The following ATP11A variants were observed in gnomAD, a reference collection of about 807,000 sequenced individuals.
ATP11A encodes the protein ATPase phospholipid transporting 11A, also known as phospholipid-transporting ATPase IH.
In ATP11A, 81 loss-of-function variants were observed where a neutral mutation model predicts 154.4. The ratio of observed to expected loss-of-function variants is 0.52; its 90% CI spans 0.44 to 0.63. The LOEUF (loss-of-function observed/expected upper bound fraction) is 0.63. Among genes scored for constraint, ATP11A ranks in the 30% least tolerant of loss-of-function variants. The probability of loss-of-function intolerance (pLI) is 0.00; values close to 1 mark genes in which losing one functional copy is unlikely to be tolerated. For missense variants in ATP11A, 1,316 were observed against 1,474.3 expected (o/e 0.89, Z 1.76); for synonymous variants, 623 against 585.9 (o/e 1.06, Z -0.91).
intron 14 of ATP11A, among the ~76,000 whole-genome samples, chr13:112,833,682 T>C (rs567850767): frequency 6.6e-5 from 10 of 152,324 alleles, no homozygotes; most frequent in African/African-American, 2.4e-4. Flanking sequence ...CTAATGTGTT[T>C]TCTCCATGCA....
At position 112,884,520 on chromosome 13, in the gene ATP11A, GAA is replaced by G. The variant is rs2080943168; in HGVS notation, c.*2657_*2658del. On this transcript the variant is annotated 3_prime_UTR_variant, in exon 30 of 30. Transcript: ENST00000375645. The stretch of plus-strand genomic sequence containing the variant: ...TAGACAAGGGGCACGAGATAAAAAA[GAA>G]AAGGATGAGAAGATCCTCAGTGAAT... 2 of 152,218 alleles carry G rather than the reference GAA, an allele frequency of 1.3e-5. No individual in the cohort carries two copies. Among genetic ancestry groups the G allele is most frequent in the Non-Finnish European group, 2.9e-5 (2 of 68,032 alleles). 9.4% of individuals were successfully genotyped at this position (152,218 alleles called of 1,614,324 possible). A position where few individuals can be genotyped will look rare whatever the true frequency, so the allele number is the denominator to read the frequency against.
chr13:112,759,376 GA>G (rs111991267), intron 1 of ATP11A, among the ~76,000 whole-genome samples: 329 of 152,326 alleles, frequency 2.2e-3, no homozygotes, highest in African/African-American at 6.8e-3. Flanking sequence ...AGAGTCCGGA[GA>G]CTTCTGACCG....
chr13:112,822,162 A>T (rs545166552), intron 8 of ATP11A, among the ~76,000 whole-genome samples: 5 of 152,340 alleles, frequency 3.3e-5, no homozygotes, highest in Admixed American at 3.3e-4. Flanking sequence ...AACACTTTTG[A>T]CCCTTTACCC....
Position 112,788,124 on chromosome 13 carries a change from C to T in ATP11A, c.162+2867C>T, listed in dbSNP as rs539150378. 6.6e-5 allele frequency among the ~76,000 whole-genome samples: 10 copies of T among 151,382 alleles called. No individual in the cohort carries two copies. In the South Asian group the frequency reaches 1.7e-3, roughly 25 times the overall value. On this transcript the variant is annotated intron_variant, in intron 2 of 29. Coordinates refer to ENST00000375645, the MANE Select transcript of ATP11A (RefSeq NM_015205.3). The stretch of plus-strand genomic sequence containing the variant: ...GACCCCTGTGTAGACCTACTTAATC[C>T]ACACCGGGTGTCCTGATGTGTAGAC...
intron 4 of ATP11A, among the ~76,000 whole-genome samples, chr13:112,808,183 GC>G: frequency 6.6e-6 from 1 of 152,228 alleles, no homozygotes; most frequent in Middle Eastern, 3.4e-3. Flanking sequence ...CCTCGGCCCG[GC>G]TGTGCCCCAT....
Position 112,740,112 on chromosome 13 carries a change from T to G in ATP11A, c.40-45023T>G, listed in dbSNP as rs1891381687. Among the ~76,000 whole-genome samples the G allele has an allele frequency of 8.6e-5, 13 of 150,730 alleles. No individual in the cohort carries two copies. The South Asian group carries it at 2.7e-3, about 32-fold the overall frequency. On this transcript the variant is annotated intron_variant, in intron 1 of 29. Coordinates refer to ENST00000375645, the MANE Select transcript of ATP11A (RefSeq NM_015205.3). ...AATTGTACATTGTAAAGGGTGAATT[T>G]TATAGCATGTGAATTCTCTCTCTCT... is the stretch of plus-strand genomic sequence containing the variant.
intron 2 of ATP11A, among the ~76,000 whole-genome samples, chr13:112,788,897 A>G (rs909362526): frequency 1.1e-4 from 16 of 151,448 alleles, no homozygotes; most frequent in Non-Finnish European, 4.4e-5. Flanking sequence ...ATGTAGACCT[A>G]TTTAATTCAC....
chr13:112,751,738 C>G (rs539600347), intron 1 of ATP11A, among the ~76,000 whole-genome samples: 4 of 151,972 alleles, frequency 2.6e-5, no homozygotes, highest in Non-Finnish European at 5.9e-5. Context: ...AATCCCCCCC[C>G]CCTTTTTTTG....
rs140176899 is a variant in ATP11A at position 112,728,576 on chromosome 13, C to T, written c.39+38121C>T. Among the ~76,000 whole-genome samples the T allele has an allele frequency of 1.2e-3, 169 of 145,460 alleles. 1 individual carries two copies. The highest frequency in any genetic ancestry group is 1.9e-3 in the Non-Finnish European group (125 of 67,112). On this transcript the variant is annotated intron_variant, in intron 1 of 29. Coordinates refer to ENST00000375645, the MANE Select transcript of ATP11A (RefSeq NM_015205.3). ...CTCCCTGTGTTACCTGTATGTACCG[C>T]GTTGTCACTATCCACTCGTGGGGGG...
At position 112,847,395 on chromosome 13, in the gene ATP11A, C is replaced by A. The variant is rs1478532579; in HGVS notation, c.1810-3642C>A. ...TTCTATAAGTTTTCTAGTTTTAGCT[C>A]TTAAATGTAGGAGTGTAATCCATGT... On this transcript the variant is annotated intron_variant, in intron 17 of 29. Transcript: ENST00000375645. 2.0e-5 allele frequency among the ~76,000 whole-genome samples: 3 copies of A among 152,156 alleles called. No individual in the cohort carries two copies. In the South Asian group the frequency reaches 6.2e-4, roughly 32 times the overall value.
At chr13:112,730,460 T>C (rs1594453245) in intron 1 of ATP11A, among the ~76,000 whole-genome samples, 1 of 152,322 alleles carries the variant, frequency 6.6e-6, no homozygotes, top group East Asian at 1.9e-4. Context: ...GCGTGTGATG[T>C]GATGAACTCC....
intron 1 of ATP11A, among the ~76,000 whole-genome samples, chr13:112,719,480 G>C (rs1888902448): frequency 6.6e-6 from 1 of 152,182 alleles, no homozygotes; most frequent in African/African-American, 2.4e-5. Flanking sequence ...ACTGTCAGAA[G>C]ACAAAATTAC....
At chr13:112,804,926 A>T in intron 2 of ATP11A, 31 bp from the exon 3 acceptor site, 2 of 1,418,858 alleles carry the variant, frequency 1.4e-6, no homozygotes, top group African/African-American at 2.8e-5. Context: ...ATCTGATCTC[A>T]ATGATGGATG....
intron 23 of ATP11A, 80 bp from the exon 24 acceptor site, chr13:112,860,207 G>C (rs1454271728): frequency 9.2e-6 from 14 of 1,516,856 alleles, no homozygotes; most frequent in Non-Finnish European, 1.3e-5. Flanking sequence ...ATTTCAGAAA[G>C]AAAATATATT....
intron 1 of ATP11A, among the ~76,000 whole-genome samples, chr13:112,699,412 C>T (rs762288807): frequency 6.6e-6 from 1 of 152,082 alleles, no homozygotes; most frequent in Non-Finnish European, 1.5e-5. Flanking sequence ...GCAGTTGAGA[C>T]GATAAAATAA....
At position 112,690,328 on chromosome 13, in the gene ATP11A, C is replaced by G. The variant is rs1322859753; in HGVS notation, c.-89C>G. 9.6e-7 allele frequency: 1 copy of G among 1,037,554 alleles called. No homozygotes were observed. The highest frequency in any genetic ancestry group is 1.7e-5 in the African/African-American group (1 of 59,214). 64.3% of individuals were successfully genotyped at this position (1,037,554 alleles called of 1,614,324 possible). A position where few individuals can be genotyped will look rare whatever the true frequency, so the allele number is the denominator to read the frequency against. On this transcript the variant is annotated 5_prime_UTR_variant, in exon 1 of 30. Transcript: ENST00000375645. This position sits in a 1 kb window ranked among gnomAD's most constrained non-coding sequence, Gnocchi z 5.6. ...CCGAGGCCGTGACCGGAGCGGGGGG[C>G]GCGGCCGCACTAGTACCCCGGAGCC...
intron 1 of ATP11A, among the ~76,000 whole-genome samples, chr13:112,769,487 A>G (rs1412983524): frequency 6.6e-6 from 1 of 152,210 alleles, no homozygotes; most frequent in African/African-American, 2.4e-5. Context: ...CAGAGCCAAA[A>G]CCAGGTTCTC....
intron 1 of ATP11A, among the ~76,000 whole-genome samples, chr13:112,713,714 T>C (rs1399176914): frequency 2.0e-5 from 3 of 152,168 alleles, no homozygotes; most frequent in Non-Finnish European, 4.4e-5. Context: ...TCTGGCCGTT[T>C]AATCTTCTGA....
chr13:112,704,060 A>G (rs1886877919), intron 1 of ATP11A, among the ~76,000 whole-genome samples: 1 of 152,190 alleles, frequency 6.6e-6, no homozygotes, highest in Non-Finnish European at 1.5e-5. Flanking sequence ...CTTGAAATGC[A>G]GGTCAGAACA....
Sources: allele counts gnomAD v4.1 joint callset (sites outside exome capture counted in the v4.1 genomes callset), GRCh38; gene constraint gnomAD v4.1.1; non-coding constraint Gnocchi (gnomAD v3.1); transcripts MANE v1.5; gene names NCBI Gene and HGNC (gene_info 2026-07-23, HGNC 2026-07-21).